The following CCDC86 variants were observed in gnomAD, a reference collection of about 807,000 sequenced individuals.
CCDC86 encodes the protein coiled-coil domain containing 86, also known as coiled-coil domain-containing protein 86.
In CCDC86, 28 loss-of-function variants were observed where a neutral mutation model predicts 36.7. The observed-to-expected ratio is 0.76, with a 90% CI of 0.57 to 1.05. The LOEUF (loss-of-function observed/expected upper bound fraction) is 1.05. CCDC86 is among the 50% of genes least tolerant of loss of function. The probability of loss-of-function intolerance (pLI) is 0.00; values close to 1 mark genes in which losing one functional copy is unlikely to be tolerated. For synonymous variants in CCDC86, 199 were observed against 203.4 expected (o/e 0.98, Z 0.18); for missense variants, 453 against 470.2 (o/e 0.96, Z 0.34).
intron 1 of CCDC86, among the ~76,000 whole-genome samples, chr11:60,847,316 C>T (rs893753664): frequency 6.6e-6 from 1 of 152,138 alleles, no homozygotes; most frequent in Admixed American, 6.5e-5. Flanking sequence ...CCATGTTTGC[C>T]CGGCTGGTCT....
Position 60,850,390 on chromosome 11 carries a change from G to T in CCDC86, c.*65G>T. 3.2e-6 allele frequency: 5 copies of T among 1,572,532 alleles called. No individual in the cohort carries two copies. The highest frequency in any genetic ancestry group is 4.3e-6 in the Non-Finnish European group (5 of 1,154,356). ...GTCAGACACAGCACCTCAGGCCGCT[G>T]CTCAGATGCCTCTGCTGGAGCTGGC... On this transcript the variant is annotated 3_prime_UTR_variant, in exon 4 of 4. Transcript: ENST00000227520.
chr11:60,845,081 G>A (rs528101450), intron 1 of CCDC86, among the ~76,000 whole-genome samples: 1 of 152,326 alleles, frequency 6.6e-6, no homozygotes, highest in Middle Eastern at 3.4e-3. Context: ...AGATAAACAG[G>A]TCTGAGCAGA....
At chr11:60,843,892 A>AC (rs1855154242) in intron 1 of CCDC86, among the ~76,000 whole-genome samples, 1 of 152,062 alleles carries the variant, frequency 6.6e-6, no homozygotes, top group Non-Finnish European at 1.5e-5. Flanking sequence ...TTATCCCCCC[A>AC]CCCCTGATGA....
At chr11:60,843,780 G>A (rs932726509) in intron 1 of CCDC86, among the ~76,000 whole-genome samples, 29 of 152,296 alleles carry the variant, frequency 1.9e-4, no homozygotes, top group African/African-American at 6.7e-4. Flanking sequence ...TGCCTGTGAG[G>A]GACCATGAGG....
intron 1 of CCDC86, 53 bp from the exon 2 acceptor site, chr11:60,847,871 A>G (rs1178325368): frequency 8.4e-6 from 13 of 1,551,008 alleles, no homozygotes; most frequent in Non-Finnish European, 1.1e-5. Flanking sequence ...GAGACAGGGC[A>G]TGGGTGGCGC....
chr11:60,849,494 A>C (rs958960807), intron 2 of CCDC86, among the ~76,000 whole-genome samples: 2 of 152,154 alleles, frequency 1.3e-5, no homozygotes, highest in Non-Finnish European at 2.9e-5. Flanking sequence ...AATCTCAGGG[A>C]CCCAGCCCTC....
intron 3 of CCDC86, 87 bp from the exon 4 acceptor site, chr11:60,850,119 G>A: frequency 6.2e-7 from 1 of 1,606,302 alleles, no homozygotes; most frequent in Non-Finnish European, 8.5e-7. Flanking sequence ...TACGATCTCA[G>A]GCCCCTGTGG....
In CCDC86 at chr11:60,842,841, G is replaced by A; in HGVS notation, c.717G>A (p.Lys239=). The A allele has an allele frequency of 1.3e-6, 2 of 1,591,990 alleles. No individual in the cohort carries two copies. Among genetic ancestry groups the A allele is most frequent in the Non-Finnish European group, 1.7e-6 (2 of 1,167,616 alleles). The change falls in exon 1 of 4, where the codon AAG becomes AAA. Residue 239 remains lysine, a synonymous_variant. Coordinates refer to ENST00000227520, the MANE Select transcript of CCDC86 (RefSeq NM_024098.4). Reference sequence around the variant, plus strand: ...AGCTTCCTGTAATCCCGAAGGGGAAGCCCAAATCGGGGCGAGTGTGGAAGG... The same window carrying A: ...AGCTTCCTGTAATCCCGAAGGGGAAACCCAAATCGGGGCGAGTGTGGAAGG... ...KEELPVIPKG[K]PKSGRVWKDR... is the part of the protein sequence containing the mutation.
chr11:60,845,113 G>A (rs1383650344), intron 1 of CCDC86, among the ~76,000 whole-genome samples: 3 of 152,206 alleles, frequency 2.0e-5, no homozygotes, highest in Non-Finnish European at 4.4e-5. Flanking sequence ...AGAGATCTGG[G>A]GAAACAGTAT....
Position 60,847,969 on chromosome 11 carries a change from G to T in CCDC86, c.804G>T (p.Gln268His). Residue 268 changes from glutamine (Q) to histidine (H), a missense_variant, in exon 2 of 4, where the codon CAG becomes CAT. Gln to His is a conservative substitution (Grantham distance 24, BLOSUM62 0). Transcript: ENST00000227520. The stretch of plus-strand genomic sequence containing the variant: ...ACAAGCCCCTGCGCACATCGTGGCA[G>T]CGGAAGATGAAGGAACGACAGGAGA... ...LQDKPLRTSW[Q>H]RKMKERQERK... The T allele has an allele frequency of 6.2e-7, 1 of 1,613,600 alleles. No individual in the cohort carries two copies. The highest frequency in any genetic ancestry group is 8.5e-7 in the Non-Finnish European group (1 of 1,179,664).
Position 60,850,592 on chromosome 11 carries a change from G to C in CCDC86, c.*267G>C. 1 of 479,314 alleles carries C rather than the reference G, an allele frequency of 2.1e-6. No individual in the cohort carries two copies. The highest frequency in any genetic ancestry group is 3.2e-5 in the South Asian group (1 of 31,372). The allele number at this position is 479,314 out of a possible 1,614,324, so 29.7% of individuals were successfully genotyped here. ...CCCTCCTTCCTCTCCTTCTCCAAGTGCCTTCAAACCAAGAACTGTACATTC... is the reference window on the plus strand; with the variant it reads ...CCCTCCTTCCTCTCCTTCTCCAAGTCCCTTCAAACCAAGAACTGTACATTC... On this transcript the variant is annotated 3_prime_UTR_variant, in exon 4 of 4. Transcript: ENST00000227520.
intron 2 of CCDC86, among the ~76,000 whole-genome samples, chr11:60,849,225 T>TC (rs917335999): frequency 6.6e-6 from 1 of 152,160 alleles, no homozygotes; most frequent in Non-Finnish European, 1.5e-5. Flanking sequence ...CAAGACAGAC[T>TC]CCATCTAGAG....
intron 2 of CCDC86, 57 bp downstream of exon 2, chr11:60,848,110 G>T (rs544904102): frequency 6.3e-7 from 1 of 1,578,280 alleles, no homozygotes; most frequent in African/African-American, 1.4e-5. Context: ...GTGTCTACTG[G>T]TACAGACCTG....
chr11:60,848,408 C>T (rs948516846), intron 2 of CCDC86, among the ~76,000 whole-genome samples: 4 of 152,050 alleles, frequency 2.6e-5, no homozygotes, highest in Admixed American at 6.5e-5. Flanking sequence ...TTTGCTGGGA[C>T]GTACTCAGTT....
intron 1 of CCDC86, among the ~76,000 whole-genome samples, chr11:60,843,290 G>A (rs558225978): frequency 2.0e-5 from 3 of 152,310 alleles, no homozygotes; most frequent in Admixed American, 2.0e-4. Context: ...AAGATAAAAA[G>A]TATTACTGAG....
Position 60,842,638 on chromosome 11 carries a change from C to G in CCDC86, c.514C>G (p.Pro172Ala). Residue 172 changes from proline (P) to alanine (A), a missense_variant, in exon 1 of 4, where the codon CCG becomes GCG. Pro to Ala is a conservative substitution (Grantham distance 27). Coordinates refer to ENST00000227520, the MANE Select transcript of CCDC86 (RefSeq NM_024098.4). ...EPYPGQQAPG[P>A]EPSQPLLELT... ...TTACCCCGGTCAGCAAGCTCCCGGTCCGGAGCCCTCTCAGCCACTACTGGA... is the reference window on the plus strand; with the variant it reads ...TTACCCCGGTCAGCAAGCTCCCGGTGCGGAGCCCTCTCAGCCACTACTGGA... 6.2e-7 allele frequency: 1 copy of G among 1,613,864 alleles called. No homozygotes were observed. The highest frequency in any genetic ancestry group is 8.5e-7 in the Non-Finnish European group (1 of 1,180,002).
intron 1 of CCDC86, among the ~76,000 whole-genome samples, chr11:60,845,852 A>T (rs1052513800): frequency 5.9e-5 from 9 of 152,226 alleles, no homozygotes; most frequent in African/African-American, 2.2e-4. Context: ...CCCAGGTTGG[A>T]CTTGGAACCC....
Position 60,850,476 on chromosome 11 carries a change from G to A in CCDC86, c.*151G>A. 9.8e-7 allele frequency: 1 copy of A among 1,015,678 alleles called. No individual in the cohort carries two copies. The highest frequency in any genetic ancestry group is 1.4e-6 in the Non-Finnish European group (1 of 715,280). The allele number at this position is 1,015,678 out of a possible 1,614,324, so 62.9% of individuals were successfully genotyped here. ...CCCCGACCGGGGCTCCTCGGCCTTT[G>A]AAGGCTTCCAGGCAGGTCTGTGTGG... On this transcript the variant is annotated 3_prime_UTR_variant, in exon 4 of 4. Coordinates refer to ENST00000227520, the MANE Select transcript of CCDC86 (RefSeq NM_024098.4).
At chr11:60,848,585 C>G (rs1455991611) in intron 2 of CCDC86, among the ~76,000 whole-genome samples, 1 of 152,176 alleles carries the variant, frequency 6.6e-6, no homozygotes, top group Non-Finnish European at 1.5e-5. Flanking sequence ...GTCACAGCCT[C>G]ACCCACATCT....
Sources: gnomAD v4.1 joint callset for allele counts (sites outside exome capture counted in the v4.1 genomes callset) on GRCh38, gnomAD v4.1.1 for gene constraint, MANE v1.5 for transcripts, NCBI Gene and HGNC (gene_info 2026-07-23, HGNC 2026-07-21) for gene names.